C6: variants seen among roughly 807,000 people sequenced by gnomAD.
C6 encodes the protein complement component C6.
In C6, 101 loss-of-function variants were observed where a neutral mutation model predicts 112.9. The observed-to-expected ratio is 0.89, with a 90% CI of 0.76 to 1.06. The LOEUF (loss-of-function observed/expected upper bound fraction) is 1.06. Ranked by LOEUF, C6 falls within the 50% of genes least tolerant of loss-of-function variation. The pLI is 0.00. For missense variants in C6, 1,202 were observed against 1,104.6 expected, an observed-to-expected ratio of 1.09 and a Z score of -1.25; for synonymous variants, 431 against 384.1, an observed-to-expected ratio of 1.12 and a Z score of -1.43.
chr5:41,195,949 A>G lies in C6; in HGVS notation c.446-16T>C, dbSNP rs750550096. ...ATGCAGCGGCCTAGTCAAGAAAAGC[A>G]AACAAAATCAATGCAACAAATTATC... On this transcript the variant is annotated splice_polypyrimidine_tract_variant and intron_variant, in intron 4 of 17. Coordinates refer to ENST00000337836, the MANE Select transcript of C6 (RefSeq NM_000065.5). The G allele has an allele frequency of 1.9e-6, 3 of 1,613,468 alleles. No homozygotes were observed. The highest frequency in any genetic ancestry group is 2.5e-6 in the Non-Finnish European group (3 of 1,179,732).
chr5:41,172,203 T>C (rs1414386158), intron 9 of C6, 22 bp downstream of exon 9: 2 of 1,613,136 alleles, frequency 1.2e-6, no homozygotes, highest in East Asian at 2.2e-5. Flanking sequence ...CTGGATAAGC[T>C]GCTAAGAGAG....
At chr5:41,161,377 G>A (rs1349664287) in intron 10 of C6, among the ~76,000 whole-genome samples, 3 of 151,992 alleles carry the variant, frequency 2.0e-5, no homozygotes, top group Admixed American at 6.6e-5. Context: ...ACAGAAACCA[G>A]ATTTATTGTA....
intron 7 of C6, 39 bp from the exon 8 acceptor site, chr5:41,176,754 A>G (rs373814034): frequency 3.2e-6 from 5 of 1,580,950 alleles, no homozygotes; most frequent in Non-Finnish European, 4.3e-6. Context: ...ATTAAAGGTA[A>G]TGAAAGTTTG....
intron 1 of C6, among the ~76,000 whole-genome samples, chr5:41,210,195 G>A (rs1486307385): frequency 3.3e-5 from 5 of 151,960 alleles, no homozygotes; most frequent in Admixed American, 1.3e-4. Flanking sequence ...TCCCTTCCTT[G>A]CACCTTATAC....
intron 1 of C6, among the ~76,000 whole-genome samples, chr5:41,209,496 T>G (rs1751718346): frequency 6.6e-6 from 1 of 152,156 alleles, no homozygotes. Context: ...CAAAATCTCC[T>G]TAAGCTGATA....
chr5:41,229,697 A>C (rs892930998), intron 1 of C6, among the ~76,000 whole-genome samples: 1 of 152,130 alleles, frequency 6.6e-6, no homozygotes, highest in African/African-American at 2.4e-5. Context: ...GGTCCATTTA[A>C]TCTGTAGTGT....
chr5:41,214,791 C>G (rs1316808831), upstream of C6, among the ~76,000 whole-genome samples: 1 of 152,108 alleles, frequency 6.6e-6, no homozygotes, highest in Non-Finnish European at 1.5e-5. Context: ...TACTGGAAGT[C>G]ATAATACAGA....
At chr5:41,196,888 T>C (rs1214805110) in intron 4 of C6, among the ~76,000 whole-genome samples, 1 of 152,054 alleles carries the variant, frequency 6.6e-6, no homozygotes, top group Non-Finnish European at 1.5e-5. Flanking sequence ...ATTATAGAAA[T>C]TGAAATACTT....
At chr5:41,198,474 C>G (rs1750770852) in intron 4 of C6, among the ~76,000 whole-genome samples, 1 of 152,126 alleles carries the variant, frequency 6.6e-6, no homozygotes, top group Non-Finnish European at 1.5e-5. Flanking sequence ...ATGAAAAGAT[C>G]TAGGGATTTT....
chr5:41,212,166 T>A (rs2150394182), intron 1 of C6, among the ~76,000 whole-genome samples: 1 of 152,234 alleles, frequency 6.6e-6, no homozygotes, highest in South Asian at 2.1e-4. Context: ...TTATTTTTAT[T>A]TATTTATTTT....
chr5:41,181,506 A>G lies in C6; in HGVS notation c.780T>C (p.Ser260=), dbSNP rs1287072123. ...LKTDFYKDLT[S]LGHNENQQGS... ...CTTGTTGATTTTCATTGTGTCCAAG[A>G]GAAGTTAAATCCTTGTAGAAATCTG... The change falls in exon 7 of 18, where the codon TCT becomes TCC. Residue 260 remains serine, a synonymous_variant. Coordinates refer to ENST00000337836, the MANE Select transcript of C6 (RefSeq NM_000065.5). 8 of 1,613,678 alleles carry G rather than the reference A, an allele frequency of 5.0e-6. No homozygotes were observed. Among genetic ancestry groups the G allele is most frequent in the Middle Eastern group, 1.6e-4 (1 of 6,078 alleles).
chr5:41,175,677 T>A (rs1346722594), intron 8 of C6, among the ~76,000 whole-genome samples: 3 of 152,228 alleles, frequency 2.0e-5, no homozygotes, highest in Non-Finnish European at 4.4e-5. Context: ...AATTATTTTC[T>A]GGGCTATAGC....
At chr5:41,237,287 T>C in intron 1 of C6, among the ~76,000 whole-genome samples, 1 of 70,438 alleles carries the variant, frequency 1.4e-5, no homozygotes, top group Non-Finnish European at 2.7e-5. Flanking sequence ...AAGAGAATTT[T>C]AGACCAATAT....
chr5:41,171,181 G>A (rs1009587625), intron 9 of C6, among the ~76,000 whole-genome samples: 6 of 152,160 alleles, frequency 3.9e-5, no homozygotes, highest in Non-Finnish European at 7.4e-5. Context: ...AAGACAACTT[G>A]CAGAGACATT....
In C6 at chr5:41,198,415, G is replaced by T. The variant is rs112341277; in HGVS notation, c.445+1353C>A. On this transcript the variant is annotated intron_variant, in intron 4 of 17. Transcript: ENST00000337836. ...GGCTATGACATCACCCAGTCCGAATGGATGCCAACTATATCTGTGACAAGG... is the reference window on the plus strand; with the variant it reads ...GGCTATGACATCACCCAGTCCGAATTGATGCCAACTATATCTGTGACAAGG... Among the ~76,000 whole-genome samples the T allele has an allele frequency of 1.7e-4, 26 of 152,242 alleles. 1 individual carries two copies. The highest frequency in any genetic ancestry group is 5.8e-4 in the African/African-American group (24 of 41,560).
chr5:41,215,345 G>C (rs1229214886), upstream of C6, among the ~76,000 whole-genome samples: 2 of 152,146 alleles, frequency 1.3e-5, no homozygotes, highest in Non-Finnish European at 2.9e-5. Context: ...GTGTCCAGTG[G>C]CTTTGGGAAG....
At position 41,153,917 on chromosome 5, in the gene C6, A is replaced by T. The variant is rs1406664615; in HGVS notation, c.2183T>A (p.Ile728Asn). 2 of 1,613,702 alleles carry T rather than the reference A, an allele frequency of 1.2e-6. No individual in the cohort carries two copies. The highest frequency in any genetic ancestry group is 1.3e-5 in the African/African-American group (1 of 74,930). The change falls in exon 15 of 18, where the codon ATT becomes AAT. Residue 728 changes from isoleucine to asparagine, a missense_variant. Ile to Asn is a moderately radical substitution (Grantham distance 149, BLOSUM62 -3). Coordinates refer to ENST00000337836, the MANE Select transcript of C6 (RefSeq NM_000065.5). ...AAAGCCTTTGGGGCAAGTTAGCTCA[A>T]TGGATTCACCAATTCTATACAATCT... ...FQRLYRIGES[I>N]ELTCPKGFVV... is the part of the protein sequence containing the mutation.
intron 5 of C6, among the ~76,000 whole-genome samples, chr5:41,192,754 G>A (rs1445126354): frequency 6.6e-6 from 1 of 152,030 alleles, no homozygotes; most frequent in East Asian, 1.9e-4. Context: ...TATGCTAAGT[G>A]CAAAAAGGCA....
intron 15 of C6, 146 bp from the exon 16 acceptor site, chr5:41,150,171 G>A: frequency 4.5e-6 from 3 of 664,634 alleles, no homozygotes; most frequent in Non-Finnish European, 8.2e-6. Flanking sequence ...TAAATACATT[G>A]TCATTAAATA....
Sources: gnomAD v4.1 joint callset for allele counts (sites outside exome capture counted in the v4.1 genomes callset) on GRCh38, gnomAD v4.1.1 for gene constraint, MANE v1.5 for transcripts, NCBI Gene and HGNC (gene_info 2026-07-23, HGNC 2026-07-21) for gene names.